The following LRCH1 variants were observed in gnomAD, a reference collection of about 807,000 sequenced individuals.
LRCH1 encodes leucine rich repeats and calponin homology domain containing 1.
LRCH1 carries 23 observed loss-of-function variants against 94.9 expected under a neutral mutation model. The observed-to-expected ratio is 0.24, with a 90% confidence interval of 0.17 to 0.34. The LOEUF (loss-of-function observed/expected upper bound fraction) is 0.34, where lower values mean the gene tolerates loss of function less well. LRCH1 is among the 10% of genes least tolerant of loss of function. LRCH1 has a pLI of 1.00. For synonymous variants in LRCH1, 364 were observed against 354.9 expected (o/e 1.03, Z -0.29); for missense variants, 790 against 945.9 (o/e 0.84, Z 2.16).
intron 3 of LRCH1, among the ~76,000 whole-genome samples, chr13:46,671,823 A>G (rs1457301805): frequency 6.6e-6 from 1 of 152,226 alleles, no homozygotes; most frequent in African/African-American, 2.4e-5. Flanking sequence ...AAGATATCCC[A>G]CATACCCTCT....
At chr13:46,653,663 G>GAA (rs139829318) in intron 2 of LRCH1, among the ~76,000 whole-genome samples, 4 of 148,104 alleles carry the variant, frequency 2.7e-5, no homozygotes, top group African/African-American at 9.9e-5. Context: ...TGTCTCTACT[G>GAA]AAAAAAAAAA....
intron 2 of LRCH1, among the ~76,000 whole-genome samples, chr13:46,664,160 A>G (rs2051484701): frequency 6.6e-6 from 1 of 152,182 alleles, no homozygotes. Context: ...TAATTGGTAT[A>G]TGTTTTCAGT....
At chr13:46,657,912 G>A (rs528662398) in intron 2 of LRCH1, among the ~76,000 whole-genome samples, 2 of 151,436 alleles carry the variant, frequency 1.3e-5, no homozygotes, top group Admixed American at 6.6e-5. Context: ...CCTTAACTTT[G>A]GATAGGAAAT....
intron 1 of LRCH1, among the ~76,000 whole-genome samples, chr13:46,646,289 C>A (rs956782841): frequency 6.6e-6 from 1 of 152,120 alleles, no homozygotes; most frequent in African/African-American, 2.4e-5. Flanking sequence ...TACACACATA[C>A]ACACAATTAC....
chr13:46,681,436 A>G (rs753720479), intron 3 of LRCH1, among the ~76,000 whole-genome samples: 2 of 152,172 alleles, frequency 1.3e-5, no homozygotes, highest in Admixed American at 6.5e-5. Context: ...ATATTGCCCA[A>G]TGGGTTTGTG....
rs145560325 is a variant in LRCH1, at chr13:46,576,127, G to A, written c.307+22424G>A. 2.5e-3 allele frequency among the ~76,000 whole-genome samples: 385 copies of A among 152,248 alleles called. 5 individuals carry two copies. The highest frequency in any genetic ancestry group is 8.8e-3 in the African/African-American group (364 of 41,540). Reference sequence around the variant, plus strand: ...AGTGGCAGGCTTGAGGCTTGCTGGCGACCAGGAGAAAGCCAGCTGGATTAG... The same window carrying A: ...AGTGGCAGGCTTGAGGCTTGCTGGCAACCAGGAGAAAGCCAGCTGGATTAG... On this transcript the variant is annotated intron_variant, in intron 1 of 19. Coordinates refer to ENST00000389797, the MANE Select transcript of LRCH1 (RefSeq NM_001164211.2).
rs760034062 is a variant in LRCH1 at position 46,692,648 on chromosome 13, G to A, written c.1120+7G>A. On this transcript the variant is annotated splice_region_variant and intron_variant, in intron 8 of 19. Coordinates refer to ENST00000389797, the MANE Select transcript of LRCH1 (RefSeq NM_001164211.2). ...CGCCTTAGCCCCGTTAAAGGTCTGA[G>A]AATAAAAATGTGGAGAAAGTGCTTG... 5 of 1,605,680 alleles carry A rather than the reference G, an allele frequency of 3.1e-6. No homozygotes were observed. The South Asian group carries it at 5.5e-5, about 18-fold the overall frequency.
chr13:46,742,705 C>T lies in LRCH1; in HGVS notation c.*857C>T, dbSNP rs1048077443. ...ACGGATCACTGCTTTTTTGCCACAT[C>T]ACATAGTAACTGCCGGTCCAGAATG... On this transcript the variant is annotated 3_prime_UTR_variant, in exon 20 of 20. Coordinates refer to ENST00000389797, the MANE Select transcript of LRCH1 (RefSeq NM_001164211.2). The T allele has an allele frequency of 1.4e-5, 14 of 985,276 alleles. No homozygotes were observed. The African/African-American group carries it at 2.1e-4, about 15-fold the overall frequency. The allele number at this position is 985,276 out of a possible 1,614,324, so 61.0% of individuals were successfully genotyped here.
At chr13:46,594,731 TA>T (rs1445646451) in intron 1 of LRCH1, among the ~76,000 whole-genome samples, 1 of 152,200 alleles carries the variant, frequency 6.6e-6, no homozygotes, top group African/African-American at 2.4e-5. Context: ...TTTTGGTGAA[TA>T]AAATATCCTG....
At chr13:46,732,169 CA>C (rs1334943799) in intron 18 of LRCH1, among the ~76,000 whole-genome samples, 1 of 152,182 alleles carries the variant, frequency 6.6e-6, no homozygotes, top group Non-Finnish European at 1.5e-5. Flanking sequence ...TTATCACCAG[CA>C]AAAGCATTCT....
chr13:46,573,332 T>A (rs2050261432), intron 1 of LRCH1, among the ~76,000 whole-genome samples: 1 of 152,172 alleles, frequency 6.6e-6, no homozygotes, highest in Admixed American at 6.5e-5. Context: ...GACTCTGTGC[T>A]GGGTGCTTCC....
chr13:46,677,911 TG>T (rs1479594715), intron 3 of LRCH1, among the ~76,000 whole-genome samples: 1 of 152,210 alleles, frequency 6.6e-6, no homozygotes, highest in Non-Finnish European at 1.5e-5. Context: ...TGTGTATTTG[TG>T]GTATTATAGT....
chr13:46,568,873 C>T (rs2050212880), intron 1 of LRCH1, among the ~76,000 whole-genome samples: 2 of 152,104 alleles, frequency 1.3e-5, no homozygotes, highest in South Asian at 4.1e-4. Context: ...ATACAGTAGA[C>T]TAAAAATTTA....
At chr13:46,641,116 G>A (rs769142639) in intron 1 of LRCH1, among the ~76,000 whole-genome samples, 1 of 152,148 alleles carries the variant, frequency 6.6e-6, no homozygotes, top group Non-Finnish European at 1.5e-5. Flanking sequence ...CATGGGTGCT[G>A]AGTTATGGGC....
At chr13:46,585,996 G>A (rs950702523) in intron 1 of LRCH1, among the ~76,000 whole-genome samples, 1 of 152,014 alleles carries the variant, frequency 6.6e-6, no homozygotes, top group Admixed American at 6.6e-5. Context: ...ATGAGTATTG[G>A]GGAAAAATGC....
intron 2 of LRCH1, among the ~76,000 whole-genome samples, chr13:46,654,729 G>A (rs1297580742): frequency 6.6e-6 from 1 of 152,182 alleles, no homozygotes; most frequent in East Asian, 1.9e-4. Context: ...ATCAAGTATA[G>A]TATGATCTGA....
rs142930419 is a variant in LRCH1, at chr13:46,603,393, C to T, written c.308-46808C>T. On this transcript the variant is annotated intron_variant, in intron 1 of 19. Transcript: ENST00000389797. ...CTCTTTCTGTCAGCCGCCCTCCTTACATAACCCAAATGGGTTGTTTGCAAA... is the reference window on the plus strand; with the variant it reads ...CTCTTTCTGTCAGCCGCCCTCCTTATATAACCCAAATGGGTTGTTTGCAAA... Among the ~76,000 whole-genome samples the T allele has an allele frequency of 2.0e-3, 307 of 152,254 alleles. 1 individual carries two copies. Among genetic ancestry groups the T allele is most frequent in the African/African-American group, 7.2e-3 (301 of 41,542 alleles).
At chr13:46,637,150 T>C (rs569257973) in intron 1 of LRCH1, among the ~76,000 whole-genome samples, 175 of 152,330 alleles carry the variant, frequency 1.1e-3, no homozygotes, top group African/African-American at 4.1e-3. Flanking sequence ...GACTACTCTT[T>C]TTCTCTCAAA....
At chr13:46,713,522 T>G (rs1056528050) in intron 15 of LRCH1, among the ~76,000 whole-genome samples, 1 of 152,218 alleles carries the variant, frequency 6.6e-6, no homozygotes, top group Non-Finnish European at 1.5e-5. Context: ...TTTTTCATTC[T>G]TGGGGCAGGT....
Sources: allele counts gnomAD v4.1 joint callset (sites outside exome capture counted in the v4.1 genomes callset), GRCh38; gene constraint gnomAD v4.1.1; transcripts MANE v1.5; gene names NCBI Gene and HGNC (gene_info 2026-07-23, HGNC 2026-07-21).